The following TDRD7 variants were observed in gnomAD, a reference collection of about 807,000 sequenced individuals.
TDRD7 encodes the protein tudor domain containing 7.
A neutral mutation model predicts 109.8 loss-of-function variants in TDRD7; 47 were observed. The observed-to-expected ratio is 0.43, with a 90% confidence interval of 0.34 to 0.55. TDRD7 has a LOEUF of 0.55. Ranked by LOEUF, TDRD7 falls within the 20% of genes least tolerant of loss-of-function variation. The probability of loss-of-function intolerance (pLI) is 0.03; values close to 1 mark genes in which losing one functional copy is unlikely to be tolerated. For missense variants in TDRD7, 1,164 were observed against 1,319.2 expected (o/e 0.88, Z 1.82); for synonymous variants, 424 against 457.3 (o/e 0.93, Z 0.93).
intron 1 of TDRD7, among the ~76,000 whole-genome samples, chr9:97,422,133 C>T (rs192274916): frequency 6.2e-4 from 95 of 152,316 alleles, no homozygotes; most frequent in Admixed American, 8.5e-4. Flanking sequence ...TGGCTCACAC[C>T]TGTAATCCCA....
rs374617873 is a variant in TDRD7, at chr9:97,464,839, C to A, written c.1443-3C>A. Reference sequence around the variant, plus strand: ...TTGCATTCTCTTCTTTTAACTGATTCAGGTATGTGGGCAAAGACTATTCTG... The same window carrying A: ...TTGCATTCTCTTCTTTTAACTGATTAAGGTATGTGGGCAAAGACTATTCTG... On this transcript the variant is annotated splice_region_variant and splice_polypyrimidine_tract_variant and intron_variant, in intron 7 of 16. Coordinates refer to ENST00000355295, the MANE Select transcript of TDRD7 (RefSeq NM_014290.3). 5.0e-6 allele frequency: 8 copies of A among 1,614,062 alleles called. No homozygotes were observed. Among genetic ancestry groups the A allele is most frequent in the Non-Finnish European group, 5.9e-6 (7 of 1,179,964 alleles).
chr9:97,460,110 A>G (rs996290642), intron 6 of TDRD7, 68 bp from the exon 7 acceptor site: 243 of 1,329,876 alleles, frequency 1.8e-4, no homozygotes, highest in Non-Finnish European at 2.4e-4. Context: ...TTTAGAATGC[A>G]TTAATGTGTT....
At chr9:97,461,052 A>C (rs1307415883) in intron 7 of TDRD7, among the ~76,000 whole-genome samples, 2 of 152,004 alleles carry the variant, frequency 1.3e-5, no homozygotes, top group African/African-American at 4.8e-5. Flanking sequence ...GAGGCAAGAG[A>C]ATGGTGTCAA....
chr9:97,467,120 A>G (rs1828833449), intron 8 of TDRD7, among the ~76,000 whole-genome samples: 1 of 152,122 alleles, frequency 6.6e-6, no homozygotes, highest in Admixed American at 6.5e-5. Flanking sequence ...AACTATCCCT[A>G]AACGTTCCTA....
chr9:97,476,891 C>T lies in TDRD7; in HGVS notation c.2166+1422C>T, dbSNP rs1472002821. Among the ~76,000 whole-genome samples, 3 of 152,054 alleles carry T rather than the reference C, an allele frequency of 2.0e-5. No individual in the cohort carries two copies. In the East Asian group the frequency reaches 5.8e-4, roughly 29 times the overall value. ...GATTTTTTTCATTATTTAAATAAAA[C>T]TTGGTCATGTCTACTTGAATGAGAG... On this transcript the variant is annotated intron_variant, in intron 12 of 16. Coordinates refer to ENST00000355295, the MANE Select transcript of TDRD7 (RefSeq NM_014290.3).
intron 14 of TDRD7, among the ~76,000 whole-genome samples, chr9:97,482,085 C>A (rs1829125556): frequency 1.3e-5 from 2 of 152,144 alleles, no homozygotes; most frequent in Non-Finnish European, 1.5e-5. Context: ...CACCTAGCTC[C>A]TTGGGACACA....
Position 97,472,429 on chromosome 9 carries a change from T to C in TDRD7, c.1878T>C (p.Asp626=). ...TTCTGTACGATACCTCAGGAGAAGA[T>C]GATATCAATATCAATGCCACCTGCT... ...LVVLYDTSGE[D]DININATCLK... The change falls in exon 10 of 17, where the codon GAT becomes GAC. Residue 626 remains aspartate (D), a synonymous_variant. Coordinates refer to ENST00000355295, the MANE Select transcript of TDRD7 (RefSeq NM_014290.3). 1 of 1,613,990 alleles carries C rather than the reference T, an allele frequency of 6.2e-7. No homozygotes were observed. Among genetic ancestry groups the C allele is most frequent in the Non-Finnish European group, 8.5e-7 (1 of 1,179,908 alleles).
chr9:97,427,126 T>C (rs1300004308), intron 1 of TDRD7, among the ~76,000 whole-genome samples: 1 of 152,218 alleles, frequency 6.6e-6, no homozygotes, highest in Non-Finnish European at 1.5e-5. Flanking sequence ...AAATTGCCCA[T>C]GGTTTGCCTT....
At chr9:97,491,437 T>C (rs571015452) in intron 16 of TDRD7, among the ~76,000 whole-genome samples, 2 of 152,262 alleles carry the variant, frequency 1.3e-5, no homozygotes, top group Non-Finnish European at 2.9e-5. Flanking sequence ...TGTGTTTTTT[T>C]CCTTCCATAT....
chr9:97,478,764 A>G, intron 13 of TDRD7, 191 bp downstream of exon 13: 1 of 707,578 alleles, frequency 1.4e-6, no homozygotes, highest in Non-Finnish European at 2.4e-6. Flanking sequence ...TCATATTTAC[A>G]TACTGTTGTT....
intron 12 of TDRD7, 146 bp downstream of exon 12, chr9:97,475,615 T>C: frequency 1.4e-6 from 1 of 707,300 alleles, no homozygotes; most frequent in Non-Finnish European, 2.5e-6. Context: ...GGTTGAAATT[T>C]CCTGGTTGAA....
chr9:97,486,695 T>G (rs1829217685), intron 15 of TDRD7, among the ~76,000 whole-genome samples: 2 of 152,190 alleles, frequency 1.3e-5, no homozygotes, highest in East Asian at 3.8e-4. Flanking sequence ...CTATGCCCTC[T>G]CCAGTCCTCT....
At chr9:97,418,082 G>A (rs892188137) in intron 1 of TDRD7, among the ~76,000 whole-genome samples, 1 of 152,172 alleles carries the variant, frequency 6.6e-6, no homozygotes, top group African/African-American at 2.4e-5. Flanking sequence ...CGGAGATCAC[G>A]CCACTGCCCT....
chr9:97,414,905 C>T (rs551780533), intron 1 of TDRD7, among the ~76,000 whole-genome samples: 31 of 152,216 alleles, frequency 2.0e-4, no homozygotes, highest in African/African-American at 7.2e-4. Flanking sequence ...CTCTGAGGCT[C>T]AGTTTATTGA....
intron 4 of TDRD7, among the ~76,000 whole-genome samples, chr9:97,433,588 G>A (rs1001906502): frequency 1.3e-5 from 2 of 151,894 alleles, no homozygotes; most frequent in Admixed American, 1.3e-4. Context: ...GACAAGCTAT[G>A]GAATGGGAGA....
intron 4 of TDRD7, among the ~76,000 whole-genome samples, chr9:97,436,022 C>T (rs931280680): frequency 6.6e-6 from 1 of 151,976 alleles, no homozygotes; most frequent in East Asian, 1.9e-4. Flanking sequence ...ATTCATGAAC[C>T]CCCAAAGCTC....
intron 16 of TDRD7, among the ~76,000 whole-genome samples, chr9:97,490,548 GT>G (rs1440996349): frequency 9.3e-6 from 1 of 107,128 alleles, no homozygotes; most frequent in Non-Finnish European, 2.2e-5. Flanking sequence ...ATATATTTTG[GT>G]GGGGGGGGGG....
At chr9:97,453,454 C>G (rs1325549614) in intron 6 of TDRD7, among the ~76,000 whole-genome samples, 2 of 152,092 alleles carry the variant, frequency 1.3e-5, no homozygotes, top group African/African-American at 2.4e-5. Context: ...TGTGTGAATC[C>G]TTCATTGGCA....
chr9:97,452,171 G>A (rs578165052), intron 6 of TDRD7, among the ~76,000 whole-genome samples: 51 of 152,164 alleles, frequency 3.4e-4, no homozygotes, highest in Admixed American at 1.4e-3. Flanking sequence ...TCGAGATTGC[G>A]CCACTGCACT....
Sources: allele counts gnomAD v4.1 joint callset (sites outside exome capture counted in the v4.1 genomes callset), GRCh38; gene constraint gnomAD v4.1.1; transcripts MANE v1.5; gene names NCBI Gene and HGNC (gene_info 2026-07-23, HGNC 2026-07-21).